PCDHA1: variants seen among roughly 807,000 people sequenced by gnomAD.
The protein encoded by PCDHA1 is protocadherin alpha-1.
In PCDHA1, 42 loss-of-function variants were observed where a neutral mutation model predicts 61.3. The observed-to-expected ratio is 0.69, with a 90% CI of 0.54 to 0.89. The LOEUF (loss-of-function observed/expected upper bound fraction) is 0.89, where lower values mean the gene tolerates loss of function less well. PCDHA1 is among the 40% of genes least tolerant of loss of function. The pLI is 0.00. For synonymous variants in PCDHA1, 610 were observed against 553.8 expected, an observed-to-expected ratio of 1.10 and a Z score of -1.43; for missense variants, 1,256 against 1,235.3, an observed-to-expected ratio of 1.02 and a Z score of -0.25.
At chr5:140,918,432 T>C (rs1462854272) in intron 1 of PCDHA1, among the ~76,000 whole-genome samples, 2 of 152,204 alleles carry the variant, frequency 1.3e-5, no homozygotes, top group Non-Finnish European at 2.9e-5. Context: ...GGATGTTGAA[T>C]AGGAGTGGTG....
At chr5:140,792,710 G>A (rs1225147873) in intron 1 of PCDHA1, among the ~76,000 whole-genome samples, 1 of 152,172 alleles carries the variant, frequency 6.6e-6, no homozygotes, top group Non-Finnish European at 1.5e-5. Flanking sequence ...CATGTTTCCT[G>A]AAGCTAGCAT....
intron 1 of PCDHA1, among the ~76,000 whole-genome samples, chr5:140,973,235 A>C (rs1390895303): frequency 6.6e-6 from 1 of 152,218 alleles, no homozygotes; most frequent in Non-Finnish European, 1.5e-5. Context: ...GTGACCTGAA[A>C]GAGTTAATTC....
chr5:140,798,610 G>A (rs574509629), intron 1 of PCDHA1, among the ~76,000 whole-genome samples: 2 of 152,116 alleles, frequency 1.3e-5, no homozygotes, highest in Non-Finnish European at 1.5e-5. Context: ...AATTCTATGC[G>A]TGGGAATACA....
intron 1 of PCDHA1, among the ~76,000 whole-genome samples, chr5:140,799,961 CTTAGTG>C (rs1180771962): frequency 5.3e-5 from 8 of 152,006 alleles, no homozygotes; most frequent in Non-Finnish European, 1.0e-4. Context: ...TGTTTTATTG[CTTAGTG>C]TTAAATATGT....
At chr5:140,904,412 A>C (rs1554191488) in intron 1 of PCDHA1, among the ~76,000 whole-genome samples, 2 of 150,986 alleles carry the variant, frequency 1.3e-5, no homozygotes, top group Non-Finnish European at 2.9e-5. Context: ...TATATATATA[A>C]TACATATATT....
chr5:141,009,889 G>A lies in PCDHA1; in HGVS notation c.2805G>A (p.Gln935=). ...KKKKKKGNKT[Q]EKKEKGNSTT... is the part of the protein sequence containing the mutation. ...AAAAGAAGAAGGGTAACAAGACCCAGGAGAAAAAAGAGAAAGGGAACAGCA... is the reference window on the plus strand; with the variant it reads ...AAAAGAAGAAGGGTAACAAGACCCAAGAGAAAAAAGAGAAAGGGAACAGCA... Residue 935 remains glutamine, a synonymous_variant, in exon 4 of 4, where the codon CAG becomes CAA. Transcript: ENST00000504120. 6.2e-7 allele frequency: 1 copy of A among 1,612,866 alleles called. No homozygotes were observed. Among genetic ancestry groups the A allele is most frequent in the South Asian group, 1.1e-5 (1 of 90,852 alleles).
chr5:140,967,935 A>C (rs186453952), intron 1 of PCDHA1: 1 of 1,614,214 alleles, frequency 6.2e-7, no homozygotes, highest in Admixed American at 1.7e-5. Context: ...CTCAGTGTCA[A>C]TGACCAAGAC....
chr5:140,880,416 C>T lies in PCDHA1; in HGVS notation c.2394+91732C>T, dbSNP rs188503917. ...AAGAGCATATGGTTGACCTTAAAAG[C>T]GGGAACAGTTTTTCCTTACAACTAG... On this transcript the variant is annotated intron_variant, in intron 1 of 3. Coordinates refer to ENST00000504120, the MANE Select transcript of PCDHA1 (RefSeq NM_018900.4). Among the ~76,000 whole-genome samples, 429 of 152,140 alleles carry T rather than the reference C, an allele frequency of 2.8e-3. 2 individuals carry two copies. Among genetic ancestry groups the T allele is most frequent in the Middle Eastern group, 0.014 (4 of 294 alleles).
At chr5:140,907,341 G>A (rs376587538) in intron 1 of PCDHA1, among the ~76,000 whole-genome samples, 1 of 152,326 alleles carries the variant, frequency 6.6e-6, no homozygotes, top group South Asian at 2.1e-4. Context: ...ATATGCATGA[G>A]CCCGCTGCTG....
chr5:140,876,732 C>T, intron 1 of PCDHA1: 1 of 1,614,246 alleles, frequency 6.2e-7, no homozygotes, highest in South Asian at 1.1e-5. Context: ...GCGTGTCGGC[C>T]TATGAGCTGG....
chr5:140,829,433 A>G lies in PCDHA1; in HGVS notation c.2394+40749A>G, dbSNP rs2150167809. ...CAGCTTGTCTGTGGAGGTGGCCGAC[A>G]TGAATGACAATGCTCCGGCGTTCGC... On this transcript the variant is annotated intron_variant, in intron 1 of 3. Transcript: ENST00000504120. The G allele has an allele frequency of 1.2e-4, 193 of 1,613,948 alleles. No homozygotes were observed. Among genetic ancestry groups the G allele is most frequent in the African/African-American group, 7.6e-4 (57 of 75,048 alleles).
intron 1 of PCDHA1, chr5:140,808,554 C>T: frequency 6.2e-7 from 1 of 1,614,116 alleles, no homozygotes; most frequent in Non-Finnish European, 8.5e-7. Flanking sequence ...CCGGCGTTCG[C>T]GCAGCCCGAG....
intron 1 of PCDHA1, chr5:140,882,952 G>A (rs782634608): frequency 3.7e-6 from 6 of 1,614,048 alleles, no homozygotes; most frequent in Non-Finnish European, 5.1e-6. Flanking sequence ...CAGTTCAGCT[G>A]CTCATCACGA....
intron 1 of PCDHA1, chr5:140,857,163 G>A: frequency 1.3e-6 from 2 of 1,598,406 alleles, no homozygotes; most frequent in Non-Finnish European, 1.7e-6. Flanking sequence ...GCCCTAATCA[G>A]CGTTTCTGAC....
chr5:140,808,621 T>G lies in PCDHA1; in HGVS notation c.2394+19937T>G, dbSNP rs114189758. 8.5e-4 allele frequency: 1,376 copies of G among 1,613,736 alleles called. 16 individuals carry two copies. In the African/African-American group the frequency reaches 0.017, roughly 19 times the overall value. On this transcript the variant is annotated intron_variant, in intron 1 of 3. Coordinates refer to ENST00000504120, the MANE Select transcript of PCDHA1 (RefSeq NM_018900.4). ...CGGGCTGCCACATCTTCACTGTGTCTGCGTGGGACGCGGACGCGCAGGAGA... is the reference window on the plus strand; with the variant it reads ...CGGGCTGCCACATCTTCACTGTGTCGGCGTGGGACGCGGACGCGCAGGAGA...
intron 1 of PCDHA1, chr5:140,797,119 A>C: frequency 1.9e-6 from 3 of 1,613,974 alleles, no homozygotes; most frequent in African/African-American, 1.3e-5. Context: ...GCTGCTGTAC[A>C]CTGCGCTGCG....
chr5:140,823,583 A>G (rs1767781648), intron 1 of PCDHA1: 2 of 1,613,950 alleles, frequency 1.2e-6, no homozygotes, highest in Non-Finnish European at 1.7e-6. Context: ...TCGGGCTACA[A>G]CGCTTGGCTT....
At chr5:140,929,013 G>A in intron 1 of PCDHA1, 1 of 1,614,120 alleles carries the variant, frequency 6.2e-7, no homozygotes, top group South Asian at 1.1e-5. Context: ...GTACCAAGTT[G>A]CACCAGAGCC....
At chr5:140,897,222 G>A (rs2065939417) in intron 1 of PCDHA1, among the ~76,000 whole-genome samples, 1 of 151,978 alleles carries the variant, frequency 6.6e-6, no homozygotes, top group Non-Finnish European at 1.5e-5. Context: ...TAGGGTACAT[G>A]TGCACAATGT....
Sources: allele counts gnomAD v4.1 joint callset (sites outside exome capture counted in the v4.1 genomes callset), GRCh38; gene constraint gnomAD v4.1.1; transcripts MANE v1.5; gene names NCBI Gene and HGNC (gene_info 2026-07-23, HGNC 2026-07-21).